FHOD3: variants seen among roughly 807,000 people sequenced by gnomAD.
The protein encoded by FHOD3 is FH1/FH2 domain-containing protein 3.
A neutral mutation model predicts 173.0 loss-of-function variants in FHOD3; 90 were observed. The observed-to-expected ratio is 0.52, with a 90% CI of 0.44 to 0.62. FHOD3 has a LOEUF of 0.62. Among genes scored for constraint, FHOD3 ranks in the 20% least tolerant of loss-of-function variants. The probability of loss-of-function intolerance (pLI) is 0.00; values close to 1 mark genes in which losing one functional copy is unlikely to be tolerated. For missense variants in FHOD3, 1,945 were observed against 2,034.7 expected, an observed-to-expected ratio of 0.96 and a Z score of 0.85; for synonymous variants, 828 against 823.0, an observed-to-expected ratio of 1.01 and a Z score of -0.10.
chr18:36,505,399 G>T (rs892491511), intron 4 of FHOD3, among the ~76,000 whole-genome samples: 1 of 152,226 alleles, frequency 6.6e-6, no homozygotes, highest in East Asian at 1.9e-4. Context: ...GAAGTTCTGT[G>T]TGGAAAGCAA....
At chr18:36,380,352 G>A (rs1163691696) in intron 3 of FHOD3, among the ~76,000 whole-genome samples, 1 of 152,166 alleles carries the variant, frequency 6.6e-6, no homozygotes, top group Admixed American at 6.5e-5. Flanking sequence ...GGCAGGAAGA[G>A]GCACTATCTT....
chr18:36,300,722 G>A (rs12971184), intron 1 of FHOD3, among the ~76,000 whole-genome samples: 20,723 of 150,978 alleles, frequency 0.14, 1,815 homozygotes, highest in East Asian at 0.25. Context: ...AAGCCCCTGA[G>A]GGAGTCAACT....
intron 26 of FHOD3, 141 bp downstream of exon 26, chr18:36,759,282 G>A (rs566991659): frequency 1.1e-4 from 102 of 925,442 alleles, no homozygotes; most frequent in African/African-American, 8.6e-4. Flanking sequence ...GTTGGTTTTC[G>A]TGTGATCACT....
At chr18:36,644,416 G>T (rs946739706) in intron 10 of FHOD3, among the ~76,000 whole-genome samples, 1 of 152,092 alleles carries the variant, frequency 6.6e-6, no homozygotes, top group African/African-American at 2.4e-5. Flanking sequence ...ATCAAGCCTC[G>T]AAAGTCCTGT....
intron 3 of FHOD3, among the ~76,000 whole-genome samples, chr18:36,375,441 G>A (rs778856633): frequency 6.6e-6 from 1 of 152,186 alleles, no homozygotes; most frequent in South Asian, 2.1e-4. Flanking sequence ...AAGGATCCAG[G>A]ACCAGGGTTT....
intron 4 of FHOD3, among the ~76,000 whole-genome samples, chr18:36,502,572 A>C (rs148376063): frequency 0.052 from 7,847 of 152,146 alleles, 319 homozygotes; most frequent in Non-Finnish European, 0.073. Flanking sequence ...AAGGACATGA[A>C]CTCATTCTTT....
intron 18 of FHOD3, among the ~76,000 whole-genome samples, chr18:36,712,059 T>A (rs1055839017): frequency 2.6e-5 from 4 of 152,202 alleles, no homozygotes; most frequent in Non-Finnish European, 5.9e-5. Context: ...GAGTCAGCGC[T>A]CTTGCTGGGG....
chr18:36,661,257 A>G (rs2149222266), intron 14 of FHOD3, among the ~76,000 whole-genome samples: 1 of 152,276 alleles, frequency 6.6e-6, no homozygotes, highest in Admixed American at 6.5e-5. Flanking sequence ...GTCATATTTG[A>G]CAACTGAATT....
At chr18:36,514,973 G>A (rs546935377) in intron 5 of FHOD3, among the ~76,000 whole-genome samples, 110 of 152,336 alleles carry the variant, frequency 7.2e-4, no homozygotes, top group African/African-American at 2.5e-3. Context: ...CATAGAGGGA[G>A]TTCGGAAAGA....
intron 5 of FHOD3, among the ~76,000 whole-genome samples, chr18:36,535,843 G>A (rs1490258225): frequency 6.6e-6 from 1 of 152,102 alleles, no homozygotes; most frequent in Non-Finnish European, 1.5e-5. Flanking sequence ...CCTGTAGAGA[G>A]CCAAAAGGTG....
chr18:36,311,243 C>T (rs1036599079), intron 1 of FHOD3, among the ~76,000 whole-genome samples: 2 of 152,126 alleles, frequency 1.3e-5, no homozygotes, highest in Non-Finnish European at 2.9e-5. Context: ...TGTTCATAGT[C>T]CCAGCCACTG....
rs1291295637 is a variant in FHOD3 at position 36,512,517 on chromosome 18, A to G, written c.485A>G (p.Gln162Arg). The change falls in exon 5 of 29, where the codon CAG becomes CGG. Residue 162 changes from glutamine (Q) to arginine (R), a missense_variant. Coordinates refer to ENST00000590592, the MANE Select transcript of FHOD3 (RefSeq NM_001281740.3). ...CLIKVGAEAD[Q>R]NYQNYILRAL... ...ATCAAGGTGGGAGCTGAGGCTGATC[A>G]GAACTATCAGAACTACATCTTAAGG... is the stretch of plus-strand genomic sequence containing the variant. 6.2e-7 allele frequency: 1 copy of G among 1,613,816 alleles called. No individual in the cohort carries two copies. Among genetic ancestry groups the G allele is most frequent in the African/African-American group, 1.3e-5 (1 of 74,942 alleles).
At chr18:36,415,561 T>C (rs951029122) in intron 3 of FHOD3, among the ~76,000 whole-genome samples, 2 of 152,254 alleles carry the variant, frequency 1.3e-5, no homozygotes, top group African/African-American at 4.8e-5. Context: ...TGGTTCCTTT[T>C]CAGCTGCATT....
At chr18:36,732,664 G>A (rs1474975851) in intron 20 of FHOD3, among the ~76,000 whole-genome samples, 1 of 152,210 alleles carries the variant, frequency 6.6e-6, no homozygotes, top group Non-Finnish European at 1.5e-5. Context: ...GGGACATGAA[G>A]GAGTGAGTGG....
intron 1 of FHOD3, among the ~76,000 whole-genome samples, chr18:36,350,012 A>C (rs1409782879): frequency 6.6e-6 from 1 of 151,398 alleles, no homozygotes; most frequent in Admixed American, 6.6e-5. Flanking sequence ...TCCTGACCTC[A>C]AGTGATCTGC....
chr18:36,484,308 C>A lies in FHOD3; in HGVS notation c.338-17624C>A, dbSNP rs2054080108. ...TGTCTCAGAAAATGTGTAGCCTGAA[C>A]CTCCGATGACCTGCTTTGCAATTGA... On this transcript the variant is annotated intron_variant, in intron 3 of 28. Coordinates refer to ENST00000590592, the MANE Select transcript of FHOD3 (RefSeq NM_001281740.3). 3.9e-5 allele frequency among the ~76,000 whole-genome samples: 6 copies of A among 152,190 alleles called. No individual in the cohort carries two copies. In the South Asian group the frequency reaches 1.2e-3, roughly 32 times the overall value.
chr18:36,688,903 A>G (rs909708263), intron 16 of FHOD3, among the ~76,000 whole-genome samples: 1 of 152,180 alleles, frequency 6.6e-6, no homozygotes, highest in African/African-American at 2.4e-5. Flanking sequence ...CAAACTCGTA[A>G]GAGGAGGTTG....
At chr18:36,482,846 CTCACACACACACAGAGAGAGAGAGAGAG>C (rs962137461) in intron 3 of FHOD3, among the ~76,000 whole-genome samples, 2 of 54,418 alleles carry the variant, frequency 3.7e-5, no homozygotes, top group South Asian at 7.0e-4. Flanking sequence ...CACACACACA[CTCACACACACACAGAGAGAGAGAGAGAG>C]AGAGAGAGAG....
intron 14 of FHOD3, among the ~76,000 whole-genome samples, chr18:36,662,817 A>C (rs774406983): frequency 8.5e-5 from 13 of 152,206 alleles, no homozygotes; most frequent in Admixed American, 8.5e-4. Flanking sequence ...TGGAACTTCT[A>C]TAATTGTAGC....
Sources: gnomAD v4.1 joint callset for allele counts (sites outside exome capture counted in the v4.1 genomes callset) on GRCh38, gnomAD v4.1.1 for gene constraint, MANE v1.5 for transcripts, NCBI Gene and HGNC (gene_info 2026-07-23, HGNC 2026-07-21) for gene names.